The following PRRC2C variants were observed in gnomAD, a reference collection of about 807,000 sequenced individuals.
The protein encoded by PRRC2C is proline rich coiled-coil 2C, also known as protein PRRC2C.
Under a neutral mutation model 317.2 loss-of-function variants are expected in PRRC2C, and 72 were observed. The ratio of observed to expected loss-of-function variants is 0.23; its 90% CI spans 0.19 to 0.28. The LOEUF (loss-of-function observed/expected upper bound fraction) is 0.28, where lower values mean the gene tolerates loss of function less well. Among genes scored for constraint, PRRC2C ranks in the 10% least tolerant of loss-of-function variants. The probability of loss-of-function intolerance (pLI) is 1.00; values close to 1 mark genes in which losing one functional copy is unlikely to be tolerated. For missense variants in PRRC2C, 3,074 were observed against 3,459.7 expected, an observed-to-expected ratio of 0.89 and a Z score of 2.80; for synonymous variants, 1,296 against 1,205.9, an observed-to-expected ratio of 1.07 and a Z score of -1.55.
At chr1:171,584,798 T>C (rs1022813540) in intron 30 of PRRC2C, among the ~76,000 whole-genome samples, 5 of 152,148 alleles carry the variant, frequency 3.3e-5, no homozygotes, top group Admixed American at 3.3e-4. Flanking sequence ...GGTTTTGTTT[T>C]GTTTTTTTCT....
intron 19 of PRRC2C, among the ~76,000 whole-genome samples, chr1:171,560,551 C>T (rs1341800703): frequency 6.6e-6 from 1 of 152,190 alleles, no homozygotes; most frequent in Non-Finnish European, 1.5e-5. Flanking sequence ...TTTCAGCAAA[C>T]ACCATCCTAG....
At chr1:171,495,995 AG>A (rs1668015977) in intron 1 of PRRC2C, among the ~76,000 whole-genome samples, 1 of 152,058 alleles carries the variant, frequency 6.6e-6, no homozygotes, top group South Asian at 2.1e-4. Flanking sequence ...GAAGAGAGCA[AG>A]CTCTGGTATC....
chr1:171,542,959 A>G (rs1267368432), intron 16 of PRRC2C, among the ~76,000 whole-genome samples: 1 of 149,682 alleles, frequency 6.7e-6, no homozygotes, highest in African/African-American at 2.4e-5. Context: ...ACGGGGTTTC[A>G]CTGTGTTAGC....
intron 7 of PRRC2C, chr1:171,522,626 T>G (rs1008185947): frequency 1.3e-5 from 2 of 155,188 alleles, no homozygotes; most frequent in Admixed American, 6.4e-5. Context: ...ACAAAACAAT[T>G]AGTCGGACGT....
intron 23 of PRRC2C, among the ~76,000 whole-genome samples, chr1:171,569,786 A>G (rs889701948): frequency 6.6e-6 from 1 of 151,336 alleles, no homozygotes; most frequent in African/African-American, 2.4e-5. Context: ...AAAATACAGA[A>G]TATTTCTACG....
chr1:171,545,455 A>G (rs747420303), intron 16 of PRRC2C, 24 bp from the exon 17 acceptor site: 22 of 1,542,934 alleles, frequency 1.4e-5, no homozygotes, highest in South Asian at 8.5e-5. Flanking sequence ...GGAAATAGTA[A>G]TATCTCAAGT....
chr1:171,521,946 T>G (rs900119649), intron 6 of PRRC2C, among the ~76,000 whole-genome samples: 4 of 152,172 alleles, frequency 2.6e-5, no homozygotes, highest in Non-Finnish European at 5.9e-5. Flanking sequence ...TACAGAAGTT[T>G]TTCATATGTG....
chr1:171,546,653 A>G (rs544360002), intron 17 of PRRC2C, among the ~76,000 whole-genome samples: 10 of 152,260 alleles, frequency 6.6e-5, no homozygotes, highest in Admixed American at 5.2e-4. Context: ...AGGCTGGTGT[A>G]CAGTGATGCA....
chr1:171,584,085 G>A lies in PRRC2C; in HGVS notation c.7539G>A (p.Gln2513=), dbSNP rs752814082. Residue 2513 remains glutamine, a synonymous_variant, in exon 29 of 35, where the codon CAG becomes CAA. Transcript: ENST00000647382. ...LAKAQSGLAF[Q]QTSNTQPIPI... ...AGGCACAATCCGGTCTTGCCTTTCA[G>A]CAAACATCAAATACTCAGCCCATTC... 14 of 1,613,804 alleles carry A rather than the reference G, an allele frequency of 8.7e-6. No homozygotes were observed. The highest frequency in any genetic ancestry group is 8.3e-5 in the Admixed American group (5 of 59,998).
chr1:171,511,047 A>C (rs1019177041), intron 1 of PRRC2C: 4 of 152,156 alleles, frequency 2.6e-5, no homozygotes, highest in African/African-American at 9.7e-5. Flanking sequence ...AGTAAAGTGG[A>C]TATAGGCTTT....
intron 1 of PRRC2C, among the ~76,000 whole-genome samples, chr1:171,502,827 G>A (rs751230303): frequency 4.1e-4 from 62 of 152,250 alleles, no homozygotes; most frequent in African/African-American, 1.2e-3. Context: ...GGGTTCAAGC[G>A]ATTCTTCTGC....
intron 16 of PRRC2C, among the ~76,000 whole-genome samples, chr1:171,545,276 G>A (rs1344672391): frequency 6.6e-6 from 1 of 152,124 alleles, no homozygotes; most frequent in African/African-American, 2.4e-5. Flanking sequence ...AGAACTCTAG[G>A]GAGCTAGTCT....
At chr1:171,591,252 A>G in intron 34 of PRRC2C, 2 of 999,362 alleles carry the variant, frequency 2.0e-6, no homozygotes, top group Non-Finnish European at 2.4e-6. Context: ...TGTAGACCAC[A>G]TATTGATAAC....
At position 171,514,505 on chromosome 1, in the gene PRRC2C, C is replaced by G. The variant is rs566383298; in HGVS notation, c.291-31C>G. 1.2e-5 allele frequency: 17 copies of G among 1,474,550 alleles called. No individual in the cohort carries two copies. The African/African-American group carries it at 2.0e-4, about 17-fold the overall frequency. The allele number at this position is 1,474,550 out of a possible 1,614,324, so 91.3% of individuals were successfully genotyped here. A position where few individuals can be genotyped will look rare whatever the true frequency, so the allele number is the denominator to read the frequency against. Reference sequence around the variant, plus strand: ...TTGATTTTATTTAAACATACAGTATCTGAAATAATGGATTCATATTTTTTT... The same window carrying G: ...TTGATTTTATTTAAACATACAGTATGTGAAATAATGGATTCATATTTTTTT... On this transcript the variant is annotated intron_variant, in intron 3 of 34. Transcript: ENST00000647382.
rs1162266620 is a variant in PRRC2C, at chr1:171,542,084, A to C, written c.4618A>C (p.Ile1540Leu). The C allele has an allele frequency of 6.2e-7, 1 of 1,614,004 alleles. No individual in the cohort carries two copies. The highest frequency in any genetic ancestry group is 1.1e-5 in the South Asian group (1 of 91,084). ...GAATGTTCTACCTCCAAAGAGGGAA[A>C]TTGCAAAGAGAAGTTTTTCTAGTCA... ...GENVLPPKREIAKRSFSSQRP... is the reference protein window; with the variant it reads ...GENVLPPKRELAKRSFSSQRP... The change falls in exon 16 of 35, where the codon ATT (isoleucine) becomes CTT (leucine). Residue 1540 changes from isoleucine (I) to leucine (L), a missense_variant. Ile to Leu is a conservative substitution (Grantham distance 5). Around this residue, in one of 11 missense-constraint regions of PRRC2C, gnomAD observed 178 missense variants for 163.0 expected, o/e 1.09. Coordinates refer to ENST00000647382, the MANE Select transcript of PRRC2C (RefSeq NM_001387844.1).
intron 3 of PRRC2C, among the ~76,000 whole-genome samples, chr1:171,513,704 A>G (rs1671799262): frequency 1.3e-5 from 2 of 152,172 alleles, no homozygotes; most frequent in African/African-American, 4.8e-5. Context: ...ACTCTTAGCT[A>G]ATTGAATGAC....
intron 14 of PRRC2C, 139 bp from the exon 15 acceptor site, chr1:171,537,124 C>G: frequency 1.5e-6 from 1 of 650,268 alleles, no homozygotes; most frequent in Non-Finnish European, 2.6e-6. Flanking sequence ...TTCCACCAAT[C>G]TTTTACTCAG....
At chr1:171,579,573 A>G (rs1572120376) in intron 27 of PRRC2C, 107 bp downstream of exon 27, 1 of 1,438,406 alleles carries the variant, frequency 7.0e-7, no homozygotes, top group East Asian at 2.5e-5. Context: ...CAAGCTACCC[A>G]CGATTAGCTT....
chr1:171,558,255 T>C (rs1284010132), intron 19 of PRRC2C, 112 bp downstream of exon 19: 3 of 1,338,768 alleles, frequency 2.2e-6, no homozygotes, highest in Admixed American at 3.2e-5. Flanking sequence ...CATTTTTTAT[T>C]GTAGGAAAAA....
Sources: allele counts gnomAD v4.1 joint callset (sites outside exome capture counted in the v4.1 genomes callset), GRCh38; gene constraint gnomAD v4.1.1; regional missense constraint gnomAD v4.1.1; transcripts MANE v1.5; gene names NCBI Gene and HGNC (gene_info 2026-07-23, HGNC 2026-07-21).